The following SH3YL1 variants were observed in gnomAD, a reference collection of about 807,000 sequenced individuals.
SH3YL1 encodes SH3 domain-containing YSC84-like protein 1.
SH3YL1 carries 41 observed loss-of-function variants against 45.8 expected under a neutral mutation model. The ratio of observed to expected loss-of-function variants is 0.89; its 90% confidence interval spans 0.70 to 1.16. SH3YL1 has a LOEUF of 1.16. SH3YL1 is among the 50% of genes most tolerant of loss of function. The probability of loss-of-function intolerance (pLI) is 0.00; values close to 1 mark genes in which losing one functional copy is unlikely to be tolerated. For synonymous variants in SH3YL1, 152 were observed against 151.4 expected (o/e 1.00, Z -0.03); for missense variants, 389 against 409.6 (o/e 0.95, Z 0.43).
At chr2:262,548 T>C in intron 1 of SH3YL1, 1 of 1,298,920 alleles carries the variant, frequency 7.7e-7, no homozygotes, top group Non-Finnish European at 1.0e-6. Context: ...AAAAATGGGA[T>C]CTTCTCAGAG....
At chr2:258,533 T>C (rs1669454674) in intron 1 of SH3YL1, among the ~76,000 whole-genome samples, 1 of 152,248 alleles carries the variant, frequency 6.6e-6, no homozygotes, top group African/African-American at 2.4e-5. Flanking sequence ...GGATTGTAGA[T>C]ATTACCATGT....
intron 2 of SH3YL1, among the ~76,000 whole-genome samples, chr2:252,554 G>A (rs903352656): frequency 1.3e-5 from 2 of 152,038 alleles, no homozygotes; most frequent in Admixed American, 6.5e-5. Context: ...CCTTCCACCT[G>A]GAGTAGCAAG....
In SH3YL1 at chr2:236,060, G is replaced by A. The variant is rs1209306806; in HGVS notation, c.292-1788C>T. On this transcript the variant is annotated intron_variant, in intron 4 of 9. Transcript: ENST00000356150. ...ATGGGTCAGGGGAGGCAGCAGCATG[G>A]GCCAGGGGAGGCAGCATGGGCCAGG... 9.7e-5 allele frequency among the ~76,000 whole-genome samples: 5 copies of A among 51,298 alleles called. 1 individual carries two copies. The highest frequency in any genetic ancestry group is 3.4e-4 in the African/African-American group (5 of 14,816). 33.7% of individuals were successfully genotyped at this position (51,298 alleles called of 152,430 possible).
chr2:240,004 A>T (rs1668474552), intron 4 of SH3YL1: 1 of 152,226 alleles, frequency 6.6e-6, no homozygotes, highest in Non-Finnish European at 1.5e-5. Flanking sequence ...GCCCCTGGTC[A>T]GGGCTGCAGT....
intron 4 of SH3YL1, among the ~76,000 whole-genome samples, chr2:245,260 T>A (rs1052387167): frequency 2.4e-4 from 37 of 152,264 alleles, no homozygotes; most frequent in Non-Finnish European, 5.3e-4. Context: ...AGTTTAAAAC[T>A]CATGTCTCCA....
At chr2:221,786 C>T (rs1046093983) in intron 9 of SH3YL1, among the ~76,000 whole-genome samples, 6 of 151,330 alleles carry the variant, frequency 4.0e-5, no homozygotes, top group African/African-American at 1.5e-4. Context: ...ACTCCATCCA[C>T]ATGAAAATCA....
intron 1 of SH3YL1, 28 bp from the exon 2 acceptor site, chr2:253,143 GA>G: frequency 3.2e-6 from 4 of 1,239,988 alleles, no homozygotes; most frequent in Non-Finnish European, 3.4e-6. Context: ...ATATTTTAAT[GA>G]AAAATTCTGC....
chr2:238,032 C>T (rs1053637651), intron 4 of SH3YL1, among the ~76,000 whole-genome samples: 6 of 152,144 alleles, frequency 3.9e-5, no homozygotes, highest in African/African-American at 1.4e-4. Context: ...GCCTGCTTCA[C>T]ACCCACACAG....
chr2:223,889 C>G (rs1208506002), intron 9 of SH3YL1, among the ~76,000 whole-genome samples: 1 of 152,162 alleles, frequency 6.6e-6, no homozygotes, highest in African/African-American at 2.4e-5. Context: ...AGTGGGCTCC[C>G]AGAAGGGGAG....
At chr2:242,728 A>G (rs1421152952) in intron 4 of SH3YL1, 2 of 1,416,366 alleles carry the variant, frequency 1.4e-6, no homozygotes, top group East Asian at 3.0e-5. Context: ...GGATAAAACA[A>G]CAATAACAAC....
At chr2:257,808 C>G (rs750286917) in intron 1 of SH3YL1, among the ~76,000 whole-genome samples, 7 of 152,170 alleles carry the variant, frequency 4.6e-5, no homozygotes, top group Non-Finnish European at 8.8e-5. Flanking sequence ...AGTCTTTAAT[C>G]CATCTTGAAT....
At position 218,932 on chromosome 2, in the gene SH3YL1, T is replaced by C; in HGVS notation, c.908A>G (p.Asn303Ser). 1 of 1,614,098 alleles carries C rather than the reference T, an allele frequency of 6.2e-7. No homozygotes were observed. Among genetic ancestry groups the C allele is most frequent in the Non-Finnish European group, 8.5e-7 (1 of 1,180,008 alleles). ...TGTGATTCTGTCTCCAGCTTGAAAA[T>C]TCAAATCCCCAGGCTGCTGTCCTTC... Reference protein sequence around the residue: ...SFEGQQPGDLNFQAGDRITVI... With the variant: ...SFEGQQPGDLSFQAGDRITVI... The change falls in exon 10 of 10, where the codon AAT becomes AGT. Residue 303 changes from asparagine to serine, a missense_variant. Physicochemically the swap from Asn to Ser is conservative, Grantham distance 46. Coordinates refer to ENST00000356150, the MANE Select transcript of SH3YL1 (RefSeq NM_015677.4).
intron 4 of SH3YL1, among the ~76,000 whole-genome samples, chr2:243,122 G>C (rs1276290348): frequency 6.6e-6 from 1 of 152,082 alleles, no homozygotes; most frequent in Non-Finnish European, 1.5e-5. Context: ...AGAACAATTA[G>C]TCATAAGATT....
intron 9 of SH3YL1, among the ~76,000 whole-genome samples, chr2:224,348 A>G (rs149720169): frequency 1.1e-4 from 17 of 152,360 alleles, no homozygotes; most frequent in African/African-American, 3.8e-4. Flanking sequence ...AATGTGAAAA[A>G]TAAAATTCTT....
At chr2:221,401 G>A (rs1274573730) in intron 9 of SH3YL1, among the ~76,000 whole-genome samples, 1 of 152,050 alleles carries the variant, frequency 6.6e-6, no homozygotes, top group Non-Finnish European at 1.5e-5. Flanking sequence ...TATTTTATGA[G>A]GAATAATTAG....
intron 3 of SH3YL1, among the ~76,000 whole-genome samples, chr2:249,317 G>A (rs1049357409): frequency 1.3e-5 from 2 of 152,092 alleles, no homozygotes; most frequent in African/African-American, 2.4e-5. Context: ...ATCTACCACA[G>A]AAACAAAGAA....
intron 1 of SH3YL1, among the ~76,000 whole-genome samples, chr2:254,331 G>C (rs1310996662): frequency 6.6e-6 from 1 of 152,140 alleles, no homozygotes; most frequent in Admixed American, 6.5e-5. Flanking sequence ...AATTCTTCCA[G>C]CTCTGAAGTA....
intron 1 of SH3YL1, among the ~76,000 whole-genome samples, chr2:253,498 G>T (rs912921302): frequency 8.5e-5 from 13 of 152,218 alleles, no homozygotes; most frequent in African/African-American, 3.1e-4. Context: ...TCCCACCAGC[G>T]CCATGACAGT....
chr2:258,851 AT>A (rs1426182298), intron 1 of SH3YL1, among the ~76,000 whole-genome samples: 53 of 152,066 alleles, frequency 3.5e-4, no homozygotes, highest in Non-Finnish European at 2.2e-4. Context: ...TGCTTTGCAA[AT>A]TTCACCCTAC....
Sources: allele counts gnomAD v4.1 joint callset (sites outside exome capture counted in the v4.1 genomes callset), GRCh38; gene constraint gnomAD v4.1.1; transcripts MANE v1.5; gene names NCBI Gene and HGNC (gene_info 2026-07-23, HGNC 2026-07-21).